IRAK1BP1: variants seen among roughly 807,000 people sequenced by gnomAD.
IRAK1BP1 encodes interleukin-1 receptor-associated kinase 1-binding protein 1.
A neutral mutation model predicts 28.0 loss-of-function variants in IRAK1BP1; 24 were observed. That is an observed-to-expected ratio of 0.86 (90% CI 0.62 to 1.20). The LOEUF (loss-of-function observed/expected upper bound fraction) is 1.20. IRAK1BP1 is among the 50% of genes most tolerant of loss of function. The pLI is 0.00. For synonymous variants in IRAK1BP1, 131 were observed against 116.3 expected (o/e 1.13, Z -0.81); for missense variants, 336 against 316.7 (o/e 1.06, Z -0.46).
At chr6:78,913,037 A>G (rs2127662418) in intron 4 of IRAK1BP1, among the ~76,000 whole-genome samples, 1 of 152,286 alleles carries the variant, frequency 6.6e-6, no homozygotes, top group African/African-American at 2.4e-5. Context: ...GATTGATTCC[A>G]TAAAAGTATA....
rs899582073 is a variant in IRAK1BP1, at chr6:78,941,978, A to G, written c.*68-3430A>G. Among the ~76,000 whole-genome samples, 3 of 152,170 alleles carry G rather than the reference A, an allele frequency of 2.0e-5. No homozygotes were observed. In the South Asian group the frequency reaches 6.2e-4, roughly 32 times the overall value. On this transcript the variant is annotated intron_variant and NMD_transcript_variant, in intron 4 of 4. Coordinates refer to the IRAK1BP1 transcript ENST00000606868. ...CCTTTCTGTTGTAGAAAAAAATGCT[A>G]TAACTTAGATAAAGGAAAAATATGC...
chr6:78,891,996 C>T (rs747787683), intron 2 of IRAK1BP1, among the ~76,000 whole-genome samples: 6 of 151,996 alleles, frequency 3.9e-5, no homozygotes, highest in Non-Finnish European at 4.4e-5. Flanking sequence ...AGACTCATTC[C>T]GTTTTCAGAC....
chr6:78,871,815 T>C, intron 1 of IRAK1BP1: 1 of 389,436 alleles, frequency 2.6e-6, no homozygotes, highest in Admixed American at 4.7e-5. Flanking sequence ...AGTGGATAAT[T>C]GAGATTTTAG....
downstream of IRAK1BP1, among the ~76,000 whole-genome samples, chr6:78,906,959 A>T (rs1484734132): frequency 6.6e-6 from 1 of 152,214 alleles, no homozygotes; most frequent in African/African-American, 2.4e-5. Context: ...GGATGAAAGA[A>T]ATAAAGTAAG....
At chr6:78,945,388 T>G in intron 4 of IRAK1BP1, 1 of 1,613,510 alleles carries the variant, frequency 6.2e-7, no homozygotes, top group Non-Finnish European at 8.5e-7. Flanking sequence ...GCTTTTCCTT[T>G]TCCATGTTTT....
At chr6:78,968,882 AT>A in the IRAK1BP1 span, among the ~76,000 whole-genome samples, 1 of 152,082 alleles carries the variant, frequency 6.6e-6, no homozygotes, top group African/African-American at 2.4e-5. Flanking sequence ...ATGTGTTCCA[AT>A]TTTTTCCCCC....
At chr6:78,948,683 C>T (rs191199070), downstream of IRAK1BP1, among the ~76,000 whole-genome samples, 3 of 152,120 alleles carry the variant, frequency 2.0e-5, no homozygotes, top group African/African-American at 4.8e-5. Flanking sequence ...TTTGTAGAGA[C>T]GGGTCTTAGC....
intron 2 of IRAK1BP1, among the ~76,000 whole-genome samples, chr6:78,897,139 C>T (rs1161445785): frequency 6.6e-6 from 1 of 150,414 alleles, no homozygotes; most frequent in East Asian, 2.0e-4. Context: ...TGTAGCCCTT[C>T]CTACTTGGAA....
intron 4 of IRAK1BP1, among the ~76,000 whole-genome samples, chr6:78,943,988 TTTAAAAAAAAAAAA>T (rs1023392853): frequency 4.1e-5 from 1 of 24,414 alleles, no homozygotes; most frequent in East Asian, 3.5e-3. Flanking sequence ...CCTGTCTTTT[TTTAAAAAAAAAAAA>T]AAAAAAAAAA....
Position 78,886,034 on chromosome 6 carries a change from T to G in IRAK1BP1, c.381+591T>G, listed in dbSNP as rs182465155. On this transcript the variant is annotated intron_variant, in intron 2 of 3. Coordinates refer to ENST00000369940, the MANE Select transcript of IRAK1BP1 (RefSeq NM_001010844.4). ...GTGGTTAGGTTACAGGACTGCTGTT[T>G]CTGATTCCAAACATTTTGGAGTACG... 4.6e-5 allele frequency among the ~76,000 whole-genome samples: 7 copies of G among 152,294 alleles called. No homozygotes were observed. The East Asian group carries it at 5.8e-4, about 13-fold the overall frequency.
intron 4 of IRAK1BP1, among the ~76,000 whole-genome samples, chr6:78,924,983 C>T (rs867202930): frequency 2.6e-5 from 4 of 152,148 alleles, no homozygotes; most frequent in Admixed American, 6.6e-5. Flanking sequence ...AAATCCTATG[C>T]AGCCATAAAA....
chr6:78,868,948 G>A (rs950191573), intron 1 of IRAK1BP1, among the ~76,000 whole-genome samples: 13 of 151,940 alleles, frequency 8.6e-5, no homozygotes, highest in African/African-American at 2.9e-4. Flanking sequence ...TCCATACCCC[G>A]AAAAAGCAAG....
At chr6:78,926,160 G>A (rs1199118977) in intron 4 of IRAK1BP1, among the ~76,000 whole-genome samples, 1 of 152,014 alleles carries the variant, frequency 6.6e-6, no homozygotes, top group Non-Finnish European at 1.5e-5. Context: ...TTACTAAAAA[G>A]TCAAAAAACA....
chr6:78,921,707 G>T (rs1772734524), intron 4 of IRAK1BP1, among the ~76,000 whole-genome samples: 1 of 152,174 alleles, frequency 6.6e-6, no homozygotes, highest in African/African-American at 2.4e-5. Context: ...ACACGGGCAG[G>T]TACTCCTCTG....
the IRAK1BP1 span, chr6:78,958,510 A>G: frequency 6.4e-7 from 1 of 1,559,902 alleles, no homozygotes; most frequent in Non-Finnish European, 8.8e-7. Flanking sequence ...TCACGAATTT[A>G]GCAGATTTCA....
At chr6:78,903,657 A>AT (rs1156759344), downstream of IRAK1BP1, among the ~76,000 whole-genome samples, 1 of 151,756 alleles carries the variant, frequency 6.6e-6, no homozygotes, top group Non-Finnish European at 1.5e-5. Flanking sequence ...TGATCCCTGA[A>AT]TTAAAAAAAA....
At chr6:78,872,157 C>A in intron 1 of IRAK1BP1, 1 of 697,908 alleles carries the variant, frequency 1.4e-6, no homozygotes, top group Non-Finnish European at 2.6e-6. Flanking sequence ...ACCCTGGTTC[C>A]TAGAGTTTCT....
the IRAK1BP1 span, chr6:78,966,098 G>T: frequency 8.4e-7 from 1 of 1,192,554 alleles, no homozygotes; most frequent in Non-Finnish European, 1.3e-6. Context: ...TGAAATGCAT[G>T]GCTGCTGTCA....
the IRAK1BP1 span, among the ~76,000 whole-genome samples, chr6:78,960,255 G>T: frequency 6.6e-6 from 1 of 152,076 alleles, no homozygotes; most frequent in East Asian, 1.9e-4. Flanking sequence ...CAATATGTGA[G>T]ATATTTACAA....
Sources: gnomAD v4.1 joint callset for allele counts (sites outside exome capture counted in the v4.1 genomes callset) on GRCh38, gnomAD v4.1.1 for gene constraint, MANE v1.5 for transcripts, NCBI Gene and HGNC (gene_info 2026-07-23, HGNC 2026-07-21) for gene names.